Variants in GTF2A2 observed in about 807,000 individuals in gnomAD.
GTF2A2 encodes transcription initiation factor IIA subunit 2.
GTF2A2 carries 9 observed loss-of-function variants against 14.3 expected under a neutral mutation model. The observed-to-expected ratio is 0.63, with a 90% confidence interval of 0.38 to 1.10. The LOEUF (loss-of-function observed/expected upper bound fraction) is 1.10, where lower values mean the gene tolerates loss of function less well. Ranked by LOEUF, GTF2A2 falls within the 50% of genes least tolerant of loss-of-function variation. The probability of loss-of-function intolerance (pLI) is 0.01; values close to 1 mark genes in which losing one functional copy is unlikely to be tolerated. For missense variants in GTF2A2, 90 were observed against 124.6 expected (o/e 0.72, Z 1.32); for synonymous variants, 56 against 46.0 (o/e 1.22, Z -0.88).
chr15:59,639,585 C>A (rs1891323821), intron 4 of GTF2A2, among the ~76,000 whole-genome samples: 1 of 150,950 alleles, frequency 6.6e-6, no homozygotes, highest in African/African-American at 2.4e-5. Context: ...GCCTCAGCCT[C>A]CCGAGTAGCT....
At chr15:59,650,297 G>C (rs1891752720) in intron 3 of GTF2A2, among the ~76,000 whole-genome samples, 1 of 152,172 alleles carries the variant, frequency 6.6e-6, no homozygotes, top group Non-Finnish European at 1.5e-5. Flanking sequence ...CCCTGGAACG[G>C]GGAAAGGCCA....
chr15:59,645,228 C>T (rs1335470478), intron 3 of GTF2A2, among the ~76,000 whole-genome samples: 4 of 152,116 alleles, frequency 2.6e-5, no homozygotes, highest in African/African-American at 9.7e-5. Flanking sequence ...TCAGGTATAT[C>T]TAAGTCATGA....
chr15:59,644,340 A>G (rs1214919063), intron 3 of GTF2A2: 2 of 152,242 alleles, frequency 1.3e-5, no homozygotes, highest in Non-Finnish European at 2.9e-5. Flanking sequence ...CAACTCAGAA[A>G]CCACCAAGCA....
At chr15:59,652,001 A>G in intron 2 of GTF2A2, 1 of 468,336 alleles carries the variant, frequency 2.1e-6, no homozygotes, top group South Asian at 3.1e-5. Context: ...GCTATATTTA[A>G]TGATATCATT....
chr15:59,646,119 T>C (rs1209888698), intron 3 of GTF2A2, among the ~76,000 whole-genome samples: 1 of 152,034 alleles, frequency 6.6e-6, no homozygotes, highest in Non-Finnish European at 1.5e-5. Flanking sequence ...CACAGTGGTG[T>C]GATCTTGGCT....
At chr15:59,645,793 C>T (rs773016298) in intron 3 of GTF2A2, among the ~76,000 whole-genome samples, 8 of 151,800 alleles carry the variant, frequency 5.3e-5, no homozygotes, top group Non-Finnish European at 7.4e-5. Flanking sequence ...CCCAGCACTT[C>T]GGGATGCTGA....
intron 3 of GTF2A2, among the ~76,000 whole-genome samples, chr15:59,643,433 A>G (rs2141958272): frequency 6.6e-6 from 1 of 151,596 alleles, no homozygotes; most frequent in East Asian, 2.0e-4. Context: ...TGGCCGGGCT[A>G]GTCAAACTTT....
chr15:59,655,100 G>C (rs1891904137), intron 1 of GTF2A2, among the ~76,000 whole-genome samples: 3 of 152,066 alleles, frequency 2.0e-5, no homozygotes, highest in Admixed American at 1.3e-4. Flanking sequence ...TTCACTCAAG[G>C]ATATTGTTCT....
rs1291594644 is a variant in GTF2A2, at chr15:59,657,443, A to T, written c.-87T>A. On this transcript the variant is annotated 5_prime_UTR_variant, in exon 1 of 5. Transcript: ENST00000396060. ...CGCTTCCCTCCGCGGAGCGGACAGA[A>T]GCCGCCACGAGCCCGGCAGGAGGTT... 3 of 152,494 alleles carry T rather than the reference A, an allele frequency of 2.0e-5. No homozygotes were observed. The highest frequency in any genetic ancestry group is 7.2e-5 in the African/African-American group (3 of 41,466). The allele number at this position is 152,494 out of a possible 1,614,324, so 9.4% of individuals were successfully genotyped here. A position where few individuals can be genotyped will look rare whatever the true frequency, so the allele number is the denominator to read the frequency against.
At chr15:59,656,224 A>T (rs2141970008) in intron 1 of GTF2A2, among the ~76,000 whole-genome samples, 1 of 152,144 alleles carries the variant, frequency 6.6e-6, no homozygotes, top group African/African-American at 2.4e-5. Context: ...TATTCCTCAA[A>T]CATGACAGGC....
At chr15:59,650,414 T>C (rs1432501415) in intron 3 of GTF2A2, among the ~76,000 whole-genome samples, 1 of 152,222 alleles carries the variant, frequency 6.6e-6, no homozygotes, top group East Asian at 1.9e-4. Flanking sequence ...TCAGGGAAGG[T>C]AGCCAAACAT....
At chr15:59,651,041 G>A in intron 2 of GTF2A2, 1 of 272,174 alleles carries the variant, frequency 3.7e-6, no homozygotes, top group Non-Finnish European at 6.9e-6. Context: ...CCCTTACAGT[G>A]GCTGGAAAGG....
At position 59,650,632 on chromosome 15, in the gene GTF2A2, T is replaced by A. The variant is rs571906528; in HGVS notation, c.177+37A>T. 12 of 1,148,828 alleles carry A rather than the reference T, an allele frequency of 1.0e-5. No homozygotes were observed. The African/African-American group carries it at 1.5e-4, about 15-fold the overall frequency. The allele number at this position is 1,148,828 out of a possible 1,614,324, so 71.2% of individuals were successfully genotyped here. A position where few individuals can be genotyped will look rare whatever the true frequency, so the allele number is the denominator to read the frequency against. Reference sequence around the variant, plus strand: ...AAAAAAATCAGTGTTTTAACAACCATTGGTACAGGCTTCTAGATTCAGGAA... The same window carrying A: ...AAAAAAATCAGTGTTTTAACAACCAATGGTACAGGCTTCTAGATTCAGGAA... On this transcript the variant is annotated intron_variant, in intron 3 of 4. Coordinates refer to ENST00000396060, the MANE Select transcript of GTF2A2 (RefSeq NM_004492.3).
rs1891765624 is a variant in GTF2A2 at position 59,650,749 on chromosome 15, C to A, written c.97G>T (p.Ala33Ser). ...TCAAACTGAAGTAGAACTTGAAGGGCAAGTTGGGGGGTGATCTGTTGAGAC... is the reference window on the plus strand; with the variant it reads ...TCAAACTGAAGTAGAACTTGAAGGGAAAGTTGGGGGGTGATCTGTTGAGAC... ...IQSQQITPQL[A>S]LQVLLQFDKA... Residue 33 changes from alanine to serine, a missense_variant, in exon 3 of 5, where the codon GCC becomes TCC. Transcript: ENST00000396060. 1 of 1,607,074 alleles carries A rather than the reference C, an allele frequency of 6.2e-7. No homozygotes were observed. The highest frequency in any genetic ancestry group is 1.3e-5 in the African/African-American group (1 of 74,718).
At chr15:59,639,189 A>C (rs2141953251) in intron 4 of GTF2A2, 32 bp from the exon 5 acceptor site, 2 of 1,264,110 alleles carry the variant, frequency 1.6e-6, no homozygotes, top group Non-Finnish European at 1.1e-6. Flanking sequence ...AAAGTAAAGT[A>C]AATTCAAGGA....
At chr15:59,642,088 A>G (rs780063380) in intron 4 of GTF2A2, 48 bp downstream of exon 4, 2 of 1,540,972 alleles carry the variant, frequency 1.3e-6, no homozygotes, top group East Asian at 2.3e-5. Context: ...AAAGGCTCAT[A>G]AAAACAAGGT....
At chr15:59,646,081 G>A (rs1891596852) in intron 3 of GTF2A2, among the ~76,000 whole-genome samples, 1 of 151,060 alleles carries the variant, frequency 6.6e-6, no homozygotes, top group Non-Finnish European at 1.5e-5. Flanking sequence ...TTTTGAGACA[G>A]AGTCTTGCTG....
intron 3 of GTF2A2, among the ~76,000 whole-genome samples, chr15:59,644,761 T>G (rs1891547530): frequency 6.6e-6 from 1 of 152,142 alleles, no homozygotes; most frequent in Non-Finnish European, 1.5e-5. Context: ...AGACAAACAC[T>G]TGGAATGGGG....
chr15:59,652,689 C>A (rs1225381528), intron 1 of GTF2A2, among the ~76,000 whole-genome samples: 3 of 152,128 alleles, frequency 2.0e-5, no homozygotes, highest in Non-Finnish European at 4.4e-5. Flanking sequence ...GTTTGCATGT[C>A]TGCCCCTTTA....
Sources: gnomAD v4.1 joint callset for allele counts (sites outside exome capture counted in the v4.1 genomes callset) on GRCh38, gnomAD v4.1.1 for gene constraint, MANE v1.5 for transcripts, NCBI Gene and HGNC (gene_info 2026-07-23, HGNC 2026-07-21) for gene names.